SYCP2: variants seen among roughly 807,000 people sequenced by gnomAD.
The protein encoded by SYCP2 is synaptonemal complex lateral element protein.
Under a neutral mutation model 211.3 loss-of-function variants are expected in SYCP2, and 55 were observed. The observed-to-expected ratio is 0.26, with a 90% CI of 0.21 to 0.33. The LOEUF is 0.33. Ranked by LOEUF, SYCP2 falls within the 10% of genes least tolerant of loss-of-function variation. The pLI is 1.00. For missense variants in SYCP2, 1,731 were observed against 1,752.0 expected, an observed-to-expected ratio of 0.99 and a Z score of 0.21; for synonymous variants, 570 against 555.2, an observed-to-expected ratio of 1.03 and a Z score of -0.37.
chr20:59,869,766 G>A (rs777092082), intron 36 of SYCP2, 32 bp downstream of exon 36: 2 of 1,406,814 alleles, frequency 1.4e-6, no homozygotes, highest in South Asian at 2.6e-5. Context: ...CTTAGTGTAA[G>A]GAAAATTTAT....
intron 2 of SYCP2, among the ~76,000 whole-genome samples, chr20:59,925,793 TG>T: frequency 6.6e-6 from 1 of 152,184 alleles, no homozygotes; most frequent in East Asian, 1.9e-4. Context: ...CCCAAATGCA[TG>T]TAGGTACTAT....
At chr20:59,891,896 A>G in intron 24 of SYCP2, 94 bp downstream of exon 24, 2 of 1,105,792 alleles carry the variant, frequency 1.8e-6, no homozygotes, top group Non-Finnish European at 2.6e-6. Context: ...TACACATGTT[A>G]AATGTGTAGC....
At chr20:59,886,220 A>G (rs1251163604) in intron 25 of SYCP2, among the ~76,000 whole-genome samples, 1 of 152,092 alleles carries the variant, frequency 6.6e-6, no homozygotes, top group East Asian at 1.9e-4. Context: ...AGAATCATTT[A>G]TTCATGACCT....
chr20:59,928,240 T>C (rs552273386), intron 2 of SYCP2, among the ~76,000 whole-genome samples: 6 of 152,316 alleles, frequency 3.9e-5, no homozygotes, highest in African/African-American at 1.4e-4. Flanking sequence ...TGTTCCTTTT[T>C]ATATTAGCAA....
At chr20:59,925,023 T>C (rs2060609109) in intron 2 of SYCP2, among the ~76,000 whole-genome samples, 1 of 152,000 alleles carries the variant, frequency 6.6e-6, no homozygotes, top group African/African-American at 2.4e-5. Flanking sequence ...GGAATGAAAA[T>C]TGAGAACAAT....
intron 32 of SYCP2, 88 bp downstream of exon 32, chr20:59,877,920 G>A: frequency 9.7e-7 from 1 of 1,034,240 alleles, no homozygotes; most frequent in Non-Finnish European, 1.5e-6. Context: ...CTGATAACAA[G>A]GATAAAATTA....
At chr20:59,875,606 T>TA in intron 33 of SYCP2, 137 bp from the exon 34 acceptor site, 1 of 591,722 alleles carries the variant, frequency 1.7e-6, no homozygotes, top group South Asian at 2.7e-5. Context: ...TAGACATGAG[T>TA]AGTGAAAGAC....
At chr20:59,890,760 GA>G (rs1006176377) in intron 24 of SYCP2, among the ~76,000 whole-genome samples, 11 of 145,826 alleles carry the variant, frequency 7.5e-5, no homozygotes, top group East Asian at 2.0e-4. Context: ...TGTGCTCCCA[GA>G]AAAAAAAAAT....
chr20:59,907,398 C>T lies in SYCP2; in HGVS notation c.999G>A (p.Val333=). The change falls in exon 15 of 45, where the codon GTG becomes GTA. Residue 333 remains valine, a synonymous_variant. Transcript: ENST00000357552. ...TGTATATTTGTACTTTTTCCTCTGGCACAGTAACTGCTTCCCATTGATGAT... is the reference window on the plus strand; with the variant it reads ...TGTATATTTGTACTTTTTCCTCTGGTACAGTAACTGCTTCCCATTGATGAT... ...NDDHQWEAVT[V]PEEKVQIYSI... is the part of the protein sequence containing the mutation. 6.2e-7 allele frequency: 1 copy of T among 1,611,244 alleles called. No individual in the cohort carries two copies. Among genetic ancestry groups the T allele is most frequent in the Non-Finnish European group, 8.5e-7 (1 of 1,178,472 alleles).
At chr20:59,865,895 C>G (rs757074881) in intron 41 of SYCP2, 30 bp from the exon 42 acceptor site, 1 of 1,007,158 alleles carries the variant, frequency 9.9e-7, no homozygotes, top group Non-Finnish European at 1.4e-6. Flanking sequence ...TTTATTTAGT[C>G]CTAAATATTT....
At chr20:59,906,652 T>C (rs2060219195) in intron 15 of SYCP2, among the ~76,000 whole-genome samples, 1 of 152,038 alleles carries the variant, frequency 6.6e-6, no homozygotes, top group Non-Finnish European at 1.5e-5. Context: ...ATTTTTTGGG[T>C]CACGGAAAGC....
At chr20:59,897,411 T>TA (rs1210331436) in intron 18 of SYCP2, among the ~76,000 whole-genome samples, 3 of 152,212 alleles carry the variant, frequency 2.0e-5, no homozygotes, top group Admixed American at 6.5e-5. Context: ...AACAGTTACT[T>TA]ATTCATATAA....
intron 26 of SYCP2, among the ~76,000 whole-genome samples, chr20:59,882,878 A>G (rs536905770): frequency 6.6e-6 from 1 of 152,306 alleles, no homozygotes; most frequent in Non-Finnish European, 1.5e-5. Context: ...TTTTATATGT[A>G]TATTTTACCT....
chr20:59,870,016 A>T (rs2145606409), intron 35 of SYCP2, 33 bp from the exon 36 acceptor site: 1 of 1,439,482 alleles, frequency 6.9e-7, no homozygotes, highest in Non-Finnish European at 9.3e-7. Flanking sequence ...ACCCAATAAG[A>T]AGTTACAAAA....
chr20:59,865,215 A>G (rs1253264022), intron 44 of SYCP2, among the ~76,000 whole-genome samples, 173 bp downstream of exon 44: 2 of 151,998 alleles, frequency 1.3e-5, no homozygotes, highest in Admixed American at 6.6e-5. Flanking sequence ...AATTACCCCT[A>G]TTCTTTCACT....
At position 59,864,240 on chromosome 20, in the gene SYCP2, G is replaced by T; in HGVS notation, c.*71C>A. 1 of 1,082,918 alleles carries T rather than the reference G, an allele frequency of 9.2e-7. No individual in the cohort carries two copies. The highest frequency in any genetic ancestry group is 1.3e-6 in the Non-Finnish European group (1 of 742,948). The allele number at this position is 1,082,918 out of a possible 1,614,324, so 67.1% of individuals were successfully genotyped here. On this transcript the variant is annotated 3_prime_UTR_variant, in exon 45 of 45. Transcript: ENST00000357552. ...GACATGTATATTTTTCTCTTTGTAGGACTATTCTTATTTCCTCAGTTATAT... is the reference window on the plus strand; with the variant it reads ...GACATGTATATTTTTCTCTTTGTAGTACTATTCTTATTTCCTCAGTTATAT...
intron 2 of SYCP2, among the ~76,000 whole-genome samples, chr20:59,930,964 T>G (rs1258942935): frequency 6.6e-6 from 1 of 152,220 alleles, no homozygotes; most frequent in Non-Finnish European, 1.5e-5. Context: ...AGTAAAAGTC[T>G]TCATTATAAC....
At chr20:59,878,595 G>A (rs147037468) in intron 31 of SYCP2, among the ~76,000 whole-genome samples, 101 of 152,064 alleles carry the variant, frequency 6.6e-4, no homozygotes, top group Middle Eastern at 3.4e-3. Context: ...ACCATCCTCC[G>A]TGTCCCTTCT....
At chr20:59,879,103 G>A (rs1056760408) in intron 31 of SYCP2, among the ~76,000 whole-genome samples, 44 of 152,020 alleles carry the variant, frequency 2.9e-4, no homozygotes, top group Admixed American at 2.4e-3. Flanking sequence ...GTTTTTATTT[G>A]TACATCTTCC....
Sources: gnomAD v4.1 joint callset for allele counts (sites outside exome capture counted in the v4.1 genomes callset) on GRCh38, gnomAD v4.1.1 for gene constraint, MANE v1.5 for transcripts, NCBI Gene and HGNC (gene_info 2026-07-23, HGNC 2026-07-21) for gene names.